The following RBFOX3 variants were observed in gnomAD, a reference collection of about 807,000 sequenced individuals.
RBFOX3 encodes RNA binding protein fox-1 homolog 3.
In RBFOX3, 17 loss-of-function variants were observed where a neutral mutation model predicts 48.7. The ratio of observed to expected loss-of-function variants is 0.35; its 90% confidence interval spans 0.24 to 0.52. RBFOX3 has a LOEUF of 0.52. RBFOX3 is among the 20% of genes least tolerant of loss of function. The pLI, the probability that RBFOX3 is intolerant of heterozygous loss-of-function variation, is 0.94. For synonymous variants in RBFOX3, 212 were observed against 209.5 expected (o/e 1.01, Z -0.10); for missense variants, 382 against 497.5 (o/e 0.77, Z 2.21).
chr17:79,491,833 A>G (rs1290009297), intron 1 of RBFOX3, among the ~76,000 whole-genome samples: 1 of 152,184 alleles, frequency 6.6e-6, no homozygotes, highest in Non-Finnish European at 1.5e-5. Flanking sequence ...TAATCCCAGC[A>G]CTTTGGGAGG....
chr17:79,094,585 A>AGG, intron 13 of RBFOX3, 56 bp from the exon 14 acceptor site: 1 of 774,460 alleles, frequency 1.3e-6, no homozygotes, highest in Non-Finnish European at 1.9e-6. Flanking sequence ...GGGGCAGGTG[A>AGG]GGGGCAGCAA....
intron 1 of RBFOX3, among the ~76,000 whole-genome samples, chr17:79,485,211 G>A (rs1225840019): frequency 6.6e-6 from 1 of 152,114 alleles, no homozygotes; most frequent in African/African-American, 2.4e-5. Context: ...TGAGGCGGAT[G>A]GAGCCCTCCT....
At chr17:79,654,763 CTGGGAATTCCACTTTGAGAGG>C in the RBFOX3 span, among the ~76,000 whole-genome samples, 1 of 152,208 alleles carries the variant, frequency 6.6e-6, no homozygotes, top group East Asian at 1.9e-4. Context: ...TTTGGAACAT[CTGGGAATTCCACTTTGAGAGG>C]TGGCCTTCAG....
intron 2 of RBFOX3, among the ~76,000 whole-genome samples, chr17:79,464,888 C>T (rs2076104593): frequency 6.6e-6 from 1 of 152,232 alleles, no homozygotes; most frequent in Non-Finnish European, 1.5e-5. Context: ...CCTGCAGAAG[C>T]TCAGTGAAGT....
chr17:79,208,850 C>G (rs1224913550), intron 4 of RBFOX3, among the ~76,000 whole-genome samples: 1 of 151,774 alleles, frequency 6.6e-6, no homozygotes, highest in East Asian at 1.9e-4. Flanking sequence ...GAGTCTCGCT[C>G]CGTCGCCCAG....
chr17:79,194,992 G>A (rs754884451), intron 4 of RBFOX3, among the ~76,000 whole-genome samples: 10 of 151,996 alleles, frequency 6.6e-5, no homozygotes, highest in Non-Finnish European at 1.2e-4. Flanking sequence ...GCTTCTATTG[G>A]GCAGCTCTGG....
chr17:79,642,620 G>GA, the RBFOX3 span, among the ~76,000 whole-genome samples: 2 of 151,596 alleles, frequency 1.3e-5, no homozygotes, highest in African/African-American at 2.4e-5. Context: ...TTATTATAGG[G>GA]AAAAAAAGTA....
chr17:79,352,722 G>A (rs1035103414), intron 2 of RBFOX3, among the ~76,000 whole-genome samples: 1 of 152,190 alleles, frequency 6.6e-6, no homozygotes, highest in Admixed American at 6.5e-5. Flanking sequence ...GCAAAGAATG[G>A]TGCACAATGA....
chr17:79,381,956 G>C (rs971893608), intron 2 of RBFOX3, among the ~76,000 whole-genome samples: 8 of 152,168 alleles, frequency 5.3e-5, no homozygotes, highest in Non-Finnish European at 1.2e-4. Context: ...AAACATATTT[G>C]ACAAAACGTC....
At chr17:79,097,560 G>T (rs1001155397) in intron 10 of RBFOX3, 132 bp downstream of exon 10, 201 of 1,167,190 alleles carry the variant, frequency 1.7e-4, no homozygotes, top group Non-Finnish European at 2.2e-4. Context: ...GCGCTACTCA[G>T]TCAACACGGC....
chr17:79,123,626 C>T (rs534159655), intron 4 of RBFOX3, among the ~76,000 whole-genome samples: 5 of 145,590 alleles, frequency 3.4e-5, no homozygotes, highest in South Asian at 2.2e-4. Flanking sequence ...TCTCGGTGGG[C>T]GTGCTCGCTG....
intron 2 of RBFOX3, among the ~76,000 whole-genome samples, chr17:79,451,762 A>C (rs1380834182): frequency 6.6e-6 from 1 of 152,248 alleles, no homozygotes; most frequent in African/African-American, 2.4e-5. Context: ...CCTCTGAAAA[A>C]CGGTGACAAT....
intron 2 of RBFOX3, among the ~76,000 whole-genome samples, chr17:79,351,173 T>C (rs1466749669): frequency 1.3e-5 from 2 of 152,236 alleles, no homozygotes; most frequent in African/African-American, 4.8e-5. Context: ...GACAGACACT[T>C]GCTTTGCTTC....
At chr17:79,498,830 T>G (rs544698858) in intron 1 of RBFOX3, among the ~76,000 whole-genome samples, 18 of 138,970 alleles carry the variant, frequency 1.3e-4, no homozygotes, top group South Asian at 7.5e-4. Context: ...CATCCACTCA[T>G]GCACCCATCC....
Position 79,362,512 on chromosome 17 carries a change from CA to C in RBFOX3, c.-174-54689del, listed in dbSNP as rs1488430706. On this transcript the variant is annotated intron_variant, in intron 2 of 14. Coordinates refer to ENST00000693108, the MANE Select transcript of RBFOX3 (RefSeq NM_001350451.2). This position sits in a 1 kb window ranked among gnomAD's most constrained non-coding sequence, Gnocchi z 4.2. ...CTGGATGGCACTAGGCTGAGGGGAG[CA>C]GGGGGAGCAGTGTCAGCAGGGGCCT... 6.6e-6 allele frequency among the ~76,000 whole-genome samples: 1 copy of C among 152,126 alleles called. No individual in the cohort carries two copies. The highest frequency in any genetic ancestry group is 2.4e-5 in the African/African-American group (1 of 41,430).
At chr17:79,268,958 T>A (rs992638551) in intron 3 of RBFOX3, among the ~76,000 whole-genome samples, 1 of 152,254 alleles carries the variant, frequency 6.6e-6, no homozygotes, top group African/African-American at 2.4e-5. Flanking sequence ...GCTGTTGTAC[T>A]GGGGTGTCCC....
intron 4 of RBFOX3, among the ~76,000 whole-genome samples, chr17:79,219,711 G>A (rs551925300): frequency 6.6e-6 from 1 of 152,262 alleles, no homozygotes; most frequent in South Asian, 2.1e-4. Flanking sequence ...GCTCCGGGGA[G>A]GTCGGCTGGG....
intron 1 of RBFOX3, among the ~76,000 whole-genome samples, chr17:79,500,044 G>C (rs2149717278): frequency 1.3e-5 from 2 of 152,268 alleles, no homozygotes; most frequent in Non-Finnish European, 2.9e-5. Context: ...GCGAGAAGAA[G>C]CCTTGTATGT....
At chr17:79,614,881 A>G (rs2093988013), upstream of RBFOX3, among the ~76,000 whole-genome samples, 1 of 152,186 alleles carries the variant, frequency 6.6e-6, no homozygotes, top group Non-Finnish European at 1.5e-5. Context: ...ACGAGGCTCA[A>G]CACAAAAGGA....
Sources: allele counts gnomAD v4.1 joint callset (sites outside exome capture counted in the v4.1 genomes callset), GRCh38; gene constraint gnomAD v4.1.1; non-coding constraint Gnocchi (gnomAD v3.1); transcripts MANE v1.5; gene names NCBI Gene and HGNC (gene_info 2026-07-23, HGNC 2026-07-21).